Variants in COMT observed in about 807,000 individuals in gnomAD.
The protein encoded by COMT is catechol-O-methyltransferase, also known as catechol O-methyltransferase.
COMT carries 13 observed loss-of-function variants against 18.9 expected under a neutral mutation model. That is an observed-to-expected ratio of 0.69 (90% CI 0.45 to 1.09). The LOEUF (loss-of-function observed/expected upper bound fraction) is 1.09, where lower values mean the gene tolerates loss of function less well. COMT is among the 50% of genes least tolerant of loss of function. The probability of loss-of-function intolerance (pLI) is 0.00; values close to 1 mark genes in which losing one functional copy is unlikely to be tolerated. For missense variants in COMT, 329 were observed against 361.8 expected (o/e 0.91, Z 0.73); for synonymous variants, 150 against 160.9 (o/e 0.93, Z 0.51).
intron 1 of COMT, among the ~76,000 whole-genome samples, chr22:19,948,435 C>A (rs1396938645): frequency 6.6e-6 from 1 of 152,020 alleles, no homozygotes; most frequent in African/African-American, 2.4e-5. Context: ...AGGGAGGACT[C>A]CTTGAGCCCA....
intron 1 of COMT, among the ~76,000 whole-genome samples, chr22:19,959,534 C>T (rs1163385150): frequency 6.6e-6 from 1 of 152,108 alleles, no homozygotes; most frequent in East Asian, 1.9e-4. Context: ...CGGGGAGGCC[C>T]TACGGGGCTG....
At position 19,941,799 on chromosome 22, in the gene COMT, G is replaced by A; in HGVS notation, c.-190G>A. On this transcript the variant is annotated 5_prime_UTR_variant, in exon 1 of 6. Transcript: ENST00000361682. ...TCCCCGCAGCGCCACCGCCATTGCC[G>A]CCATCGTCGTGGGGCTTCTGGGGCA... 3 of 1,534,672 alleles carry A rather than the reference G, an allele frequency of 2.0e-6. No individual in the cohort carries two copies. Among genetic ancestry groups the A allele is most frequent in the Non-Finnish European group, 1.7e-6 (2 of 1,151,666 alleles).
rs1243773629 is a variant in COMT at position 19,962,692 on chromosome 22, G to A, written c.166G>A (p.Glu56Lys). Residue 56 changes from glutamate (E) to lysine (K), a missense_variant, in exon 3 of 6, where the codon GAG becomes AAG. By Grantham distance (56) the Glu-to-Lys change is moderately conservative. Transcript: ENST00000361682. Reference sequence around the variant, plus strand: ...CAACCTGCTCATGGGTGACACCAAGGAGCAGCGCATCCTGAACCACGTGCT... The same window carrying A: ...CAACCTGCTCATGGGTGACACCAAGAAGCAGCGCATCCTGAACCACGTGCT... ...IHNLLMGDTK[E>K]QRILNHVLQH... 1.2e-6 allele frequency: 2 copies of A among 1,613,492 alleles called. No individual in the cohort carries two copies. Among genetic ancestry groups the A allele is most frequent in the African/African-American group, 1.3e-5 (1 of 74,940 alleles).
chr22:19,943,129 G>A (rs1234684219), intron 1 of COMT, among the ~76,000 whole-genome samples: 1 of 152,202 alleles, frequency 6.6e-6, no homozygotes, highest in Non-Finnish European at 1.5e-5. Context: ...AGGCCCAGTG[G>A]AGAAGGGGAC....
chr22:19,944,571 TC>T (rs1420906986), intron 1 of COMT, among the ~76,000 whole-genome samples: 2 of 150,612 alleles, frequency 1.3e-5, no homozygotes, highest in Non-Finnish European at 2.9e-5. Flanking sequence ...ACGCCTGTAA[TC>T]CCAGCACTTT....
chr22:19,963,233 G>A (rs947751853), intron 3 of COMT: 5 of 507,460 alleles, frequency 9.9e-6, no homozygotes, highest in East Asian at 3.4e-5. Context: ...CAAGGTGGGC[G>A]GTTCGGTGAT....
intron 1 of COMT, among the ~76,000 whole-genome samples, chr22:19,945,900 C>T (rs1200720642): frequency 6.6e-6 from 1 of 152,280 alleles, no homozygotes; most frequent in East Asian, 1.9e-4. Flanking sequence ...CTCCAGACCT[C>T]GTGATCCACC....
chr22:19,964,018 A>G, intron 4 of COMT, 150 bp from the exon 5 acceptor site: 1 of 1,502,172 alleles, frequency 6.7e-7, no homozygotes, highest in Non-Finnish European at 9.2e-7. Context: ...TCATCCCAGA[A>G]CCCTAAAGAA....
At chr22:19,956,126 TTTC>T (rs1188723406) in intron 1 of COMT, among the ~76,000 whole-genome samples, 1 of 144,790 alleles carries the variant, frequency 6.9e-6, no homozygotes, top group Non-Finnish European at 1.5e-5. Flanking sequence ...CTTTCTTTTT[TTTC>T]TTTTTTTCTT....
intron 1 of COMT, among the ~76,000 whole-genome samples, chr22:19,943,367 G>T (rs969426579): frequency 4.6e-5 from 7 of 152,168 alleles, no homozygotes; most frequent in Admixed American, 1.3e-4. Flanking sequence ...AAAATAACAG[G>T]CCAGGCACAG....
intron 1 of COMT, among the ~76,000 whole-genome samples, chr22:19,943,606 T>C (rs1034978667): frequency 1.3e-5 from 2 of 151,060 alleles, no homozygotes; most frequent in African/African-American, 4.9e-5. Flanking sequence ...CTTGCCTCTA[T>C]ACTCCAGCCT....
chr22:19,967,642 G>C (rs1243233189), intron 5 of COMT: 1 of 305,870 alleles, frequency 3.3e-6, no homozygotes. Context: ...TCGGATACCA[G>C]TGTTTCAAGG....
Position 19,948,106 on chromosome 22 carries a change from TAAC to T in COMT, c.-92+6212_-92+6214del, listed in dbSNP as rs1941869576. 2.0e-5 allele frequency among the ~76,000 whole-genome samples: 3 copies of T among 152,338 alleles called. 1 individual carries two copies. In the South Asian group the frequency reaches 6.2e-4, roughly 32 times the overall value. ...AGAGTAATTGCTACAAACTAATGAT[TAAC>T]AATATTCATATATAATCATATCTAT... On this transcript the variant is annotated intron_variant, in intron 1 of 5. Transcript: ENST00000361682.
chr22:19,963,602 C>G lies in COMT; in HGVS notation c.326C>G (p.Pro109Arg). The change falls in exon 4 of 6, where the codon CCC becomes CGC. Residue 109 changes from proline (P) to arginine (R), a missense_variant. Coordinates refer to ENST00000361682, the MANE Select transcript of COMT (RefSeq NM_000754.4). The stretch of plus-strand genomic sequence containing the variant: ...GACGCCGTGATTCAGGAGCACCAGC[C>G]CTCCGTGCTGCTGGAGCTGGGGGCC... ...IVDAVIQEHQ[P>R]SVLLELGAYC... The G allele has an allele frequency of 2.5e-6, 4 of 1,612,900 alleles. No individual in the cohort carries two copies. The highest frequency in any genetic ancestry group is 1.1e-5 in the South Asian group (1 of 91,090).
Position 19,968,797 on chromosome 22 carries a change from G to T in COMT, c.*61G>T. 4.0e-6 allele frequency: 6 copies of T among 1,512,736 alleles called. No homozygotes were observed. The highest frequency in any genetic ancestry group is 5.4e-6 in the Non-Finnish European group (6 of 1,109,136). The allele number at this position is 1,512,736 out of a possible 1,614,324, so 93.7% of individuals were successfully genotyped here. On this transcript the variant is annotated 3_prime_UTR_variant, in exon 6 of 6. Coordinates refer to ENST00000361682, the MANE Select transcript of COMT (RefSeq NM_000754.4). ...CAGCCTGGTACTGAAGGTGCCAGAC[G>T]TGCTCCTGCTGACCTTCTGCGGCTC...
chr22:19,964,610 G>A (rs59801333), intron 5 of COMT: 6 of 603,008 alleles, frequency 1.0e-5, no homozygotes, highest in East Asian at 5.5e-5. Flanking sequence ...GGGCAGAAAC[G>A]GCACAGGACC....
intron 5 of COMT, chr22:19,965,756 C>G (rs561990876): frequency 7.1e-6 from 1 of 140,962 alleles, no homozygotes; most frequent in Non-Finnish European, 1.5e-5. Flanking sequence ...CCTGAACTCA[C>G]GAGGAGGCAC....
intron 5 of COMT, chr22:19,967,634 G>T (rs9306235): frequency 3.2e-6 from 1 of 310,684 alleles, no homozygotes; most frequent in Non-Finnish European, 6.3e-6. Context: ...ATGTGGGGTC[G>T]GATACCAGTG....
chr22:19,957,673 G>A (rs990266233), intron 1 of COMT, among the ~76,000 whole-genome samples: 10 of 152,252 alleles, frequency 6.6e-5, no homozygotes, highest in Admixed American at 4.6e-4. Context: ...TGCATGTGGC[G>A]TGCATGTGGC....
Sources: allele counts gnomAD v4.1 joint callset (sites outside exome capture counted in the v4.1 genomes callset), GRCh38; gene constraint gnomAD v4.1.1; transcripts MANE v1.5; gene names NCBI Gene and HGNC (gene_info 2026-07-23, HGNC 2026-07-21).